Variants in ITGA2 observed in about 807,000 individuals in gnomAD.
ITGA2 encodes integrin alpha-2.
In ITGA2, 101 loss-of-function variants were observed where a neutral mutation model predicts 146.3. The observed-to-expected ratio is 0.69, with a 90% CI of 0.59 to 0.81. ITGA2 has a LOEUF of 0.81. Ranked by LOEUF, ITGA2 falls within the 40% of genes least tolerant of loss-of-function variation. The pLI is 0.00. For missense variants in ITGA2, 1,281 were observed against 1,402.7 expected, an observed-to-expected ratio of 0.91 and a Z score of 1.39; for synonymous variants, 477 against 487.1, an observed-to-expected ratio of 0.98 and a Z score of 0.27.
chr5:53,076,010 A>G (rs1745647094), intron 23 of ITGA2, among the ~76,000 whole-genome samples: 1 of 151,986 alleles, frequency 6.6e-6, no homozygotes, highest in Admixed American at 6.6e-5. Flanking sequence ...GTTCAGAGGG[A>G]CAGGTGTCTT....
Position 53,055,618 on chromosome 5 carries a change from A to G in ITGA2, c.860A>G (p.His287Arg), listed in dbSNP as rs1476562937. The change falls in exon 8 of 30, where the codon CAT becomes CGT. Residue 287 changes from histidine to arginine, a missense_variant. Coordinates refer to ENST00000296585, the MANE Select transcript of ITGA2 (RefSeq NM_002203.4). ...GTAGTTGTAACTGACGGTGAATCAC[A>G]TGATGGTTCAATGTTGAAAGCTGTG... ...VMVVVTDGES[H>R]DGSMLKAVID... The G allele has an allele frequency of 1.2e-6, 2 of 1,613,134 alleles. No individual in the cohort carries two copies. The highest frequency in any genetic ancestry group is 1.3e-5 in the African/African-American group (1 of 74,884).
chr5:53,020,255 A>T (rs938767112), intron 1 of ITGA2, among the ~76,000 whole-genome samples: 1 of 152,260 alleles, frequency 6.6e-6, no homozygotes, highest in Non-Finnish European at 1.5e-5. Context: ...TAGAGAGAGA[A>T]AAAACATAGA....
At chr5:53,068,260 T>C (rs2111984339) in intron 16 of ITGA2, among the ~76,000 whole-genome samples, 1 of 152,028 alleles carries the variant, frequency 6.6e-6, no homozygotes, top group East Asian at 1.9e-4. Context: ...TTCATATCCA[T>C]TTGGAAGTTT....
rs911086925 is a variant in ITGA2, at chr5:53,067,254, G to A, written c.2080G>A (p.Val694Met). The change falls in exon 16 of 30, where the codon GTG becomes ATG. Residue 694 changes from valine to methionine, a missense_variant. Around this residue, in one of 3 missense-constraint regions of ITGA2, gnomAD observed 795 missense variants for 841.7 expected, o/e 0.94. Coordinates refer to ENST00000296585, the MANE Select transcript of ITGA2 (RefSeq NM_002203.4). ...CAGACCTACTAAGCAAAACAATCAA[G>A]TGGGTGCGTAGATCTGAAATAATCT... ...KFRPTKQNNQ[V>M]AIVYNITLDA... 6.2e-7 allele frequency: 1 copy of A among 1,611,308 alleles called. No homozygotes were observed. The highest frequency in any genetic ancestry group is 1.3e-5 in the African/African-American group (1 of 74,764).
intron 1 of ITGA2, among the ~76,000 whole-genome samples, chr5:53,003,804 G>GTTTCCT (rs1284878013): frequency 1.3e-5 from 2 of 152,030 alleles, no homozygotes; most frequent in African/African-American, 4.8e-5. Flanking sequence ...ACCATTCATT[G>GTTTCCT]TTTTCTTTTT....
intron 6 of ITGA2, among the ~76,000 whole-genome samples, chr5:53,049,452 A>G (rs1744251243): frequency 6.6e-6 from 1 of 152,220 alleles, no homozygotes; most frequent in African/African-American, 2.4e-5. Context: ...CTGGTAAAAC[A>G]ATTATTGAAT....
intron 12 of ITGA2, among the ~76,000 whole-genome samples, chr5:53,062,431 T>C (rs1371066152): frequency 6.6e-6 from 1 of 151,896 alleles, no homozygotes; most frequent in Non-Finnish European, 1.5e-5. Flanking sequence ...GTTTGCCTTA[T>C]AAGTATGTCT....
intron 26 of ITGA2, 71 bp downstream of exon 26, chr5:53,081,767 C>A: frequency 1.0e-6 from 1 of 1,000,164 alleles, no homozygotes; most frequent in Non-Finnish European, 1.6e-6. Context: ...CGCTGCTTTT[C>A]TCCTACCAGC....
At chr5:53,048,861 A>C (rs1744217356) in intron 6 of ITGA2, 91 bp downstream of exon 6, 2 of 1,398,428 alleles carry the variant, frequency 1.4e-6, no homozygotes, top group African/African-American at 2.9e-5. Flanking sequence ...GTATTTGCCA[A>C]ATCCCCATTT....
chr5:53,064,820 C>T, intron 13 of ITGA2, 92 bp from the exon 14 acceptor site: 2 of 1,227,364 alleles, frequency 1.6e-6, no homozygotes, highest in South Asian at 2.4e-5. Context: ...TTTGGGATTA[C>T]AGGCATGAGC....
chr5:53,069,482 C>G (rs1222172534), intron 16 of ITGA2, among the ~76,000 whole-genome samples: 1 of 151,844 alleles, frequency 6.6e-6, no homozygotes, highest in African/African-American at 2.4e-5. Context: ...AAGCACTGTC[C>G]ATGTTCCCTT....
chr5:53,043,576 G>A (rs2111890742), intron 3 of ITGA2, among the ~76,000 whole-genome samples: 2 of 152,276 alleles, frequency 1.3e-5, no homozygotes, highest in South Asian at 4.1e-4. Flanking sequence ...AGTAGTGAAT[G>A]TACAAGGAGT....
Position 53,026,786 on chromosome 5 carries a change from C to A in ITGA2, c.103C>A (p.Pro35Thr), listed in dbSNP as rs1468307119. The change falls in exon 2 of 30, where the codon CCA (proline) becomes ACA (threonine). Residue 35 changes from proline (P) to threonine (T), a missense_variant. Transcript: ENST00000296585. ...NCCLAYNVGL[P>T]EAKIFSGPSS... ...TTGTTTGGCCTACAATGTTGGTCTCCCAGAAGCAAAAATATTTTCCGGTCC... is the reference window on the plus strand; with the variant it reads ...TTGTTTGGCCTACAATGTTGGTCTCACAGAAGCAAAAATATTTTCCGGTCC... The A allele has an allele frequency of 6.2e-7, 1 of 1,613,086 alleles. No homozygotes were observed. The highest frequency in any genetic ancestry group is 8.5e-7 in the Non-Finnish European group (1 of 1,179,250).
chr5:53,069,537 C>A (rs1745292328), intron 16 of ITGA2, among the ~76,000 whole-genome samples: 1 of 151,878 alleles, frequency 6.6e-6, no homozygotes, highest in Non-Finnish European at 1.5e-5. Flanking sequence ...ATTCTTACAA[C>A]TGGATGGAAG....
chr5:53,026,268 C>A (rs1485630246), intron 1 of ITGA2, among the ~76,000 whole-genome samples: 1 of 152,174 alleles, frequency 6.6e-6, no homozygotes, highest in African/African-American at 2.4e-5. Flanking sequence ...TCAAGATGTT[C>A]AAGGTGATTC....
intron 2 of ITGA2, among the ~76,000 whole-genome samples, chr5:53,035,546 T>C (rs544748253): frequency 7.2e-5 from 11 of 152,192 alleles, no homozygotes; most frequent in Non-Finnish European, 7.3e-5. Context: ...ATACTAAAAT[T>C]GCCTTTCAAT....
In ITGA2 at chr5:53,084,765, T is replaced by C. The variant is rs185995717; in HGVS notation, c.3258+1312T>C. Among the ~76,000 whole-genome samples, 121 of 152,094 alleles carry C rather than the reference T, an allele frequency of 8.0e-4. 1 individual carries two copies. Among genetic ancestry groups the C allele is most frequent in the South Asian group, 5.4e-3 (26 of 4,816 alleles). ...TGGATTTGAGGAACAAATGTTTTCA[T>C]AGCAAATTTTGCCAACTGGAAGGAA... On this transcript the variant is annotated intron_variant, in intron 27 of 29. Transcript: ENST00000296585.
rs1744621651 is a variant in ITGA2, at chr5:53,056,103, A to G, written c.1050A>G (p.Leu350=). ...TCAATGTGTCTGATGAAGCAGCTCT[A>G]CTAGAAAAGGCTGGGACATTAGGAG... is the stretch of plus-strand genomic sequence containing the variant. ...YFFNVSDEAA[L]LEKAGTLGEQ... is the part of the protein sequence containing the mutation. Residue 350 remains leucine (L), a synonymous_variant, in exon 9 of 30, where the codon CTA becomes CTG. Transcript: ENST00000296585. 1 of 1,612,190 alleles carries G rather than the reference A, an allele frequency of 6.2e-7. No homozygotes were observed. The highest frequency in any genetic ancestry group is 8.5e-7 in the Non-Finnish European group (1 of 1,178,860).
Position 53,051,504 on chromosome 5 carries a change from A to C in ITGA2, c.724A>C (p.Thr242Pro), listed in dbSNP as rs1418551503. Reference sequence around the variant, plus strand: ...AGAAATGATTGTAGCAACATCCCAGACATCCCAATATGGTGGGGACCTCAC... The same window carrying C: ...AGAAATGATTGTAGCAACATCCCAGCCATCCCAATATGGTGGGGACCTCAC... Reference protein sequence around the residue: ...KEEMIVATSQTSQYGGDLTNT... With the variant: ...KEEMIVATSQPSQYGGDLTNT... The change falls in exon 7 of 30, where the codon ACA becomes CCA. Residue 242 changes from threonine to proline, a missense_variant. By Grantham distance (38) the Thr-to-Pro change is conservative. This residue lies in a region of ITGA2 where 795 missense variants were observed against 841.7 expected (regional missense o/e 0.94). Coordinates refer to ENST00000296585, the MANE Select transcript of ITGA2 (RefSeq NM_002203.4). 1.2e-6 allele frequency: 2 copies of C among 1,613,604 alleles called. No homozygotes were observed. The highest frequency in any genetic ancestry group is 1.7e-6 in the Non-Finnish European group (2 of 1,179,768).
Sources: gnomAD v4.1 joint callset for allele counts (sites outside exome capture counted in the v4.1 genomes callset) on GRCh38, gnomAD v4.1.1 for gene constraint, gnomAD v4.1.1 regional missense constraint, MANE v1.5 for transcripts, NCBI Gene and HGNC (gene_info 2026-07-23, HGNC 2026-07-21) for gene names.